The following ZNRF1 variants were observed in gnomAD, a reference collection of about 807,000 sequenced individuals.
ZNRF1 encodes the protein zinc and ring finger 1, also known as E3 ubiquitin-protein ligase ZNRF1.
Under a neutral mutation model 18.4 loss-of-function variants are expected in ZNRF1, and 3 were observed. That is an observed-to-expected ratio of 0.16 (90% CI 0.07 to 0.42). The LOEUF is 0.42. Among genes scored for constraint, ZNRF1 ranks in the 10% least tolerant of loss-of-function variants. ZNRF1 has a pLI of 0.99. For missense variants in ZNRF1, 310 were observed against 329.8 expected, an observed-to-expected ratio of 0.94 and a Z score of 0.47; for synonymous variants, 157 against 144.2, an observed-to-expected ratio of 1.09 and a Z score of -0.64.
chr16:75,027,390 A>G (rs1428273861), intron 1 of ZNRF1, among the ~76,000 whole-genome samples: 2 of 152,228 alleles, frequency 1.3e-5, no homozygotes, highest in Non-Finnish European at 2.9e-5. Flanking sequence ...TTAGCCCTAT[A>G]GCTGGGCCTA....
chr16:75,001,779 C>T (rs1398415129), intron 1 of ZNRF1, among the ~76,000 whole-genome samples: 1 of 152,124 alleles, frequency 6.6e-6, no homozygotes, highest in Non-Finnish European at 1.5e-5. Flanking sequence ...TCTTAAGCCT[C>T]TTACTAAAAA....
At chr16:75,080,316 C>T (rs1283430413) in intron 1 of ZNRF1, among the ~76,000 whole-genome samples, 1 of 152,182 alleles carries the variant, frequency 6.6e-6, no homozygotes, top group African/African-American at 2.4e-5. Flanking sequence ...CCTCCAGTGA[C>T]AGAAAGGCTG....
intron 1 of ZNRF1, among the ~76,000 whole-genome samples, chr16:75,018,958 G>T (rs2035107350): frequency 6.6e-6 from 1 of 152,082 alleles, no homozygotes; most frequent in African/African-American, 2.4e-5. Context: ...TTGAGTTCAG[G>T]AGTTCAAGAC....
intron 1 of ZNRF1, among the ~76,000 whole-genome samples, chr16:75,009,675 T>C (rs530618930): frequency 6.6e-6 from 1 of 152,336 alleles, no homozygotes; most frequent in Non-Finnish European, 1.5e-5. Context: ...GCTCCATCAT[T>C]TGGTGATTCT....
At chr16:75,028,884 T>A (rs2035260446) in intron 1 of ZNRF1, among the ~76,000 whole-genome samples, 1 of 152,220 alleles carries the variant, frequency 6.6e-6, no homozygotes, top group Admixed American at 6.5e-5. Context: ...TTAGTTTTCT[T>A]CCTATCTCTC....
At chr16:75,009,426 C>G (rs2034966474) in intron 1 of ZNRF1, among the ~76,000 whole-genome samples, 1 of 152,204 alleles carries the variant, frequency 6.6e-6, no homozygotes, top group Admixed American at 6.5e-5. Flanking sequence ...GTAGTGTCCT[C>G]AAGGTTCATC....
At chr16:75,032,087 G>T (rs2035312761) in intron 1 of ZNRF1, among the ~76,000 whole-genome samples, 1 of 148,722 alleles carries the variant, frequency 6.7e-6, no homozygotes, top group Non-Finnish European at 1.5e-5. Flanking sequence ...AGGATATTGG[G>T]CATCTTTTCT....
At chr16:75,076,520 A>G (rs146351504) in intron 1 of ZNRF1, among the ~76,000 whole-genome samples, 21 of 151,758 alleles carry the variant, frequency 1.4e-4, no homozygotes, top group African/African-American at 4.8e-4. Flanking sequence ...TTTCCTTACA[A>G]CTTAATAACT....
chr16:75,090,843 C>G (rs930084321), intron 1 of ZNRF1, among the ~76,000 whole-genome samples: 1 of 152,196 alleles, frequency 6.6e-6, no homozygotes, highest in Non-Finnish European at 1.5e-5. Flanking sequence ...CCTCCTGTCT[C>G]TCAGCACCCC....
chr16:75,075,676 T>G (rs1488130682), intron 1 of ZNRF1, among the ~76,000 whole-genome samples: 1 of 152,142 alleles, frequency 6.6e-6, no homozygotes, highest in Non-Finnish European at 1.5e-5. Context: ...AGCAGTAAAA[T>G]AAACAGACTC....
At chr16:75,030,474 A>G (rs1597868136) in intron 1 of ZNRF1, among the ~76,000 whole-genome samples, 1 of 152,202 alleles carries the variant, frequency 6.6e-6, no homozygotes, top group Non-Finnish European at 1.5e-5. Flanking sequence ...AGAGAAAAAA[A>G]CTATAAAACT....
At chr16:75,059,229 C>CTTTTTTTTTTTTTTTTTTTTTT (rs35291578) in intron 1 of ZNRF1, among the ~76,000 whole-genome samples, 22 of 92,878 alleles carry the variant, frequency 2.4e-4, no homozygotes, top group Admixed American at 2.9e-4. Flanking sequence ...TTCTTTCTTT[C>CTTTTTTTTTTTTTTTTTTTTTT]TTTTTTTTTT....
intron 1 of ZNRF1, among the ~76,000 whole-genome samples, chr16:75,008,377 T>C (rs544743754): frequency 6.6e-6 from 1 of 152,184 alleles, no homozygotes; most frequent in Non-Finnish European, 1.5e-5. Context: ...AAGGTAATGG[T>C]GTCAGTGTCG....
At chr16:75,063,336 G>A (rs1221788816) in intron 1 of ZNRF1, among the ~76,000 whole-genome samples, 1 of 152,110 alleles carries the variant, frequency 6.6e-6, no homozygotes, top group African/African-American at 2.4e-5. Context: ...CTCCCTGTGG[G>A]GTGTGCACAT....
chr16:75,102,563 C>A (rs1463631942), intron 2 of ZNRF1, among the ~76,000 whole-genome samples: 1 of 152,186 alleles, frequency 6.6e-6, no homozygotes, highest in East Asian at 1.9e-4. Flanking sequence ...TTCTGGGTCG[C>A]CTTTTGTTCA....
chr16:75,082,300 G>A (rs2145412126), intron 1 of ZNRF1, among the ~76,000 whole-genome samples: 1 of 152,272 alleles, frequency 6.6e-6, no homozygotes, highest in Admixed American at 6.5e-5. Flanking sequence ...TGGAAGAAAT[G>A]GTCTAGAGGG....
At chr16:75,101,741 A>G (rs996020350) in intron 2 of ZNRF1, among the ~76,000 whole-genome samples, 2 of 152,254 alleles carry the variant, frequency 1.3e-5, no homozygotes, top group East Asian at 3.8e-4. Context: ...ACAGAAATAC[A>G]TAAAAGGATT....
At chr16:75,012,673 T>G (rs2035013891) in intron 1 of ZNRF1, among the ~76,000 whole-genome samples, 1 of 152,222 alleles carries the variant, frequency 6.6e-6, no homozygotes, top group South Asian at 2.1e-4. Context: ...TTGCCTGTCT[T>G]AAACTTTTCT....
At chr16:75,032,115 T>TC (rs1193592591) in intron 1 of ZNRF1, among the ~76,000 whole-genome samples, 2 of 147,758 alleles carry the variant, frequency 1.4e-5, no homozygotes, top group Non-Finnish European at 3.0e-5. Flanking sequence ...TTTTTTTTTT[T>TC]TTTTTTTTTT....
Sources: allele counts gnomAD v4.1 joint callset (sites outside exome capture counted in the v4.1 genomes callset), GRCh38; gene constraint gnomAD v4.1.1; transcripts MANE v1.5; gene names NCBI Gene and HGNC (gene_info 2026-07-23, HGNC 2026-07-21).